FILIP1: variants seen among roughly 807,000 people sequenced by gnomAD.
The protein encoded by FILIP1 is filamin A interacting protein 1.
FILIP1 carries 61 observed loss-of-function variants against 102.1 expected under a neutral mutation model. The ratio of observed to expected loss-of-function variants is 0.60; its 90% CI spans 0.49 to 0.74. The LOEUF (loss-of-function observed/expected upper bound fraction) is 0.74, where lower values mean the gene tolerates loss of function less well. Ranked by LOEUF, FILIP1 falls within the 30% of genes least tolerant of loss-of-function variation. The pLI, the probability that FILIP1 is intolerant of heterozygous loss-of-function variation, is 0.00. For missense variants in FILIP1, 1,314 were observed against 1,441.2 expected, an observed-to-expected ratio of 0.91 and a Z score of 1.43; for synonymous variants, 491 against 526.9, an observed-to-expected ratio of 0.93 and a Z score of 0.93.
In FILIP1 at chr6:75,362,893, G is replaced by A. The variant is rs1369811809; in HGVS notation, c.301C>T (p.Leu101=). 1 of 1,613,934 alleles carries A rather than the reference G, an allele frequency of 6.2e-7. No homozygotes were observed. The highest frequency in any genetic ancestry group is 8.5e-7 in the Non-Finnish European group (1 of 1,180,014). The stretch of plus-strand genomic sequence containing the variant: ...TCAGGCTTGGTTTTCTCTGTCTTCA[G>A]CATGTGGATCACATCTTCTCTGGCC... ...LQAREDVIHM[L]KTEKTKPEVL... is the part of the protein sequence containing the mutation. Residue 101 remains leucine (L), a synonymous_variant, in exon 3 of 6, where the codon CTG becomes TTG. Transcript: ENST00000237172.
At chr6:75,333,251 A>AT (rs892489544) in intron 4 of FILIP1, among the ~76,000 whole-genome samples, 1 of 151,978 alleles carries the variant, frequency 6.6e-6, no homozygotes, top group Admixed American at 6.6e-5. Flanking sequence ...ATTTTGCTAA[A>AT]TTTTTTTTGA....
chr6:75,371,119 T>G (rs983976902), intron 2 of FILIP1, among the ~76,000 whole-genome samples: 2 of 152,240 alleles, frequency 1.3e-5, no homozygotes, highest in Non-Finnish European at 2.9e-5. Context: ...TTTTTTCCAC[T>G]GAATTTTAGA....
At chr6:75,461,325 T>C (rs1169178757) in intron 1 of FILIP1, among the ~76,000 whole-genome samples, 1 of 152,230 alleles carries the variant, frequency 6.6e-6, no homozygotes, top group Admixed American at 6.5e-5. Context: ...AATTTGAGCC[T>C]AAGCAATTTG....
At chr6:75,404,786 C>T (rs139076627) in intron 2 of FILIP1, among the ~76,000 whole-genome samples, 2,868 of 152,218 alleles carry the variant, frequency 0.019, 39 homozygotes, top group Non-Finnish European at 0.028. Context: ...GGAAGGGTCT[C>T]CTTCCTTTTC....
chr6:75,334,493 C>CTACAAATGT (rs1323422921), intron 4 of FILIP1: 7 of 152,144 alleles, frequency 4.6e-5, no homozygotes, highest in African/African-American at 1.7e-4. Flanking sequence ...AGTCAGGGCT[C>CTACAAATGT]TACAAATGTC....
intron 1 of FILIP1, among the ~76,000 whole-genome samples, chr6:75,477,931 T>C (rs987774826): frequency 5.9e-5 from 9 of 152,200 alleles, no homozygotes; most frequent in African/African-American, 9.6e-5. Flanking sequence ...TGCTGTTAGA[T>C]TTCTAGGTCT....
At chr6:75,345,112 C>G (rs908402728) in intron 4 of FILIP1, among the ~76,000 whole-genome samples, 1 of 152,118 alleles carries the variant, frequency 6.6e-6, no homozygotes, top group African/African-American at 2.4e-5. Context: ...ATATCAAACA[C>G]CAGGACTAAG....
intron 1 of FILIP1, among the ~76,000 whole-genome samples, chr6:75,422,271 T>C (rs1356536190): frequency 2.0e-5 from 3 of 152,132 alleles, no homozygotes; most frequent in African/African-American, 4.8e-5. Flanking sequence ...TATATAATCA[T>C]TGATTAAACA....
At chr6:75,377,805 C>T (rs1051840774) in intron 2 of FILIP1, among the ~76,000 whole-genome samples, 1 of 152,162 alleles carries the variant, frequency 6.6e-6, no homozygotes, top group Non-Finnish European at 1.5e-5. Context: ...TTTTGCCCTT[C>T]GCTAGAGAAA....
Position 75,414,900 on chromosome 6 carries a change from C to A in FILIP1, c.73G>T (p.Gly25Cys). ...HISCPKPSII[G>C]NAGEKSLSED... ...GAGAGACTTTTTTCACCAGCATTGC[C>A]GATGATGGAGGGCTTGGGACAGGAG... The change falls in exon 2 of 6, where the codon GGC (glycine) becomes TGC (cysteine). Residue 25 changes from glycine (G) to cysteine (C), a missense_variant. Physicochemically the swap from Gly to Cys is radical, Grantham distance 159. This residue lies in a region of FILIP1 where 494 missense variants were observed against 511.2 expected (regional missense o/e 0.97). Coordinates refer to ENST00000237172, the MANE Select transcript of FILIP1 (RefSeq NM_015687.5). 6.2e-7 allele frequency: 1 copy of A among 1,613,778 alleles called. No individual in the cohort carries two copies. Among genetic ancestry groups the A allele is most frequent in the Non-Finnish European group, 8.5e-7 (1 of 1,179,836 alleles).
chr6:75,320,642 AAG>A (rs1773620345), intron 4 of FILIP1, among the ~76,000 whole-genome samples: 1 of 152,180 alleles, frequency 6.6e-6, no homozygotes, highest in Non-Finnish European at 1.5e-5. Context: ...GTATTAACTA[AAG>A]TTCTCCACGA....
Position 75,320,386 on chromosome 6 carries a change from A to G in FILIP1, c.630-5184T>C, listed in dbSNP as rs1201660528. Among the ~76,000 whole-genome samples the G allele has an allele frequency of 5.9e-5, 9 of 152,212 alleles. No homozygotes were observed. The East Asian group carries it at 1.5e-3, about 26-fold the overall frequency. On this transcript the variant is annotated intron_variant, in intron 4 of 5. Transcript: ENST00000237172. ...AGCCTGGGCAACATGGCAAAACCTC[A>G]TCTCTACAAAAACAAAACAAAACAA... is the stretch of plus-strand genomic sequence containing the variant.
chr6:75,359,081 CA>C (rs1158853489), intron 3 of FILIP1, among the ~76,000 whole-genome samples: 4 of 152,036 alleles, frequency 2.6e-5, no homozygotes, highest in Non-Finnish European at 5.9e-5. Flanking sequence ...TGGCTCACTG[CA>C]ACTGCCGAGG....
exon 7 of FILIP1, chr6:75,294,141 C>G (rs1221521707): frequency 6.6e-6 from 1 of 152,162 alleles, no homozygotes; most frequent in Non-Finnish European, 1.5e-5. Flanking sequence ...TTAAAACCTT[C>G]CAAGGTTACA....
chr6:75,442,037 C>T (rs566488733), intron 1 of FILIP1, among the ~76,000 whole-genome samples: 2 of 150,066 alleles, frequency 1.3e-5, no homozygotes, highest in South Asian at 2.1e-4. Flanking sequence ...ACTTCTGGGA[C>T]GGGGCGGCTG....
intron 1 of FILIP1, among the ~76,000 whole-genome samples, chr6:75,420,550 C>T (rs942617281): frequency 6.6e-6 from 1 of 152,040 alleles, no homozygotes; most frequent in African/African-American, 2.4e-5. Flanking sequence ...CTCCACTTTC[C>T]AAAAAATTGT....
intron 1 of FILIP1, among the ~76,000 whole-genome samples, chr6:75,482,111 T>G (rs1179344006): frequency 6.6e-6 from 1 of 152,144 alleles, no homozygotes; most frequent in Non-Finnish European, 1.5e-5. Flanking sequence ...CTCATTTTGG[T>G]GAGATTCCAT....
chr6:75,305,604 A>G (rs1465351443), downstream of FILIP1, among the ~76,000 whole-genome samples: 2 of 152,156 alleles, frequency 1.3e-5, no homozygotes, highest in Admixed American at 1.3e-4. Flanking sequence ...GCTCACATGT[A>G]AAAAAATGAT....
At chr6:75,487,326 C>G (rs1008000092) in intron 1 of FILIP1, among the ~76,000 whole-genome samples, 2 of 152,090 alleles carry the variant, frequency 1.3e-5, no homozygotes, top group African/African-American at 2.4e-5. Flanking sequence ...GTCACAGTAA[C>G]TACAGGGCTC....
Sources: gnomAD v4.1 joint callset for allele counts (sites outside exome capture counted in the v4.1 genomes callset) on GRCh38, gnomAD v4.1.1 for gene constraint, gnomAD v4.1.1 regional missense constraint, MANE v1.5 for transcripts, NCBI Gene and HGNC (gene_info 2026-07-23, HGNC 2026-07-21) for gene names.